ITM2A: variants seen among roughly 807,000 people sequenced by gnomAD.
The protein encoded by ITM2A is integral membrane protein 2A.
ITM2A carries 11 observed loss-of-function variants against 16.6 expected under a neutral mutation model. The ratio of observed to expected loss-of-function variants is 0.66; its 90% CI spans 0.42 to 1.10. ITM2A has a LOEUF of 1.10. Among genes scored for constraint, ITM2A ranks in the 50% least tolerant of loss-of-function variants. The probability of loss-of-function intolerance (pLI) is 0.00; values close to 1 mark genes in which losing one functional copy is unlikely to be tolerated. For missense variants in ITM2A, 243 were observed against 206.8 expected (o/e 1.17, Z -1.07); for synonymous variants, 102 against 71.2 (o/e 1.43, Z -2.18).
rs1925609994 is a variant in ITM2A at position 79,367,278 on chromosome X, A to G, written c.-63T>C. On this transcript the variant is annotated 5_prime_UTR_variant, in exon 1 of 6. Coordinates refer to ENST00000373298, the MANE Select transcript of ITM2A (RefSeq NM_004867.5). ...ATCAGCGTCCTGGGCTGCAGACTGC[A>G]AGAGGAGATCCTGTTAGCCCAAACA... 7 of 751,679 alleles carry G rather than the reference A, an allele frequency of 9.3e-6. No homozygotes were observed. Among genetic ancestry groups the G allele is most frequent in the Non-Finnish European group, 1.2e-5 (6 of 503,622 alleles). The allele number at this position is 751,679 out of a possible 1,213,427, so 61.9% of individuals were successfully genotyped here. A position where few individuals can be genotyped will look rare whatever the true frequency, so the allele number is the denominator to read the frequency against.
In ITM2A at chrX:79,362,735, T is replaced by A. The variant is rs202173015; in HGVS notation, c.442-44A>T. The A allele has an allele frequency of 9.5e-5, 90 of 946,120 alleles. No homozygotes were observed. In the African/African-American group the frequency reaches 1.6e-3, roughly 17 times the overall value. 78.0% of individuals were successfully genotyped at this position (946,120 alleles called of 1,213,427 possible). A position where few individuals can be genotyped will look rare whatever the true frequency, so the allele number is the denominator to read the frequency against. On this transcript the variant is annotated intron_variant, in intron 3 of 5. Transcript: ENST00000373298. ...AAGTCAGGTAAGACACAGAAGGCAT[T>A]AACATTGCGAATTTTCCAACTACCA... is the stretch of plus-strand genomic sequence containing the variant.
At position 79,360,613 on chromosome X, in the gene ITM2A, T is replaced by C. The variant is rs918068772; in HGVS notation, c.*476A>G. 1 of 111,525 alleles carries C rather than the reference T, an allele frequency of 9.0e-6. No homozygotes were observed. The highest frequency in any genetic ancestry group is 3.2e-5 in the African/African-American group (1 of 30,773). 9.2% of individuals were successfully genotyped at this position (111,525 alleles called of 1,213,427 possible). On this transcript the variant is annotated 3_prime_UTR_variant, in exon 6 of 6. Coordinates refer to ENST00000373298, the MANE Select transcript of ITM2A (RefSeq NM_004867.5). ...GATGTAATTTCTAAATTCAAGAAAG[T>C]TGTACAAAATGAAAAACAAAAGAAA...
chrX:79,363,097 C>A lies in ITM2A; in HGVS notation c.286G>T (p.Asp96Tyr). 2 of 1,209,641 alleles carry A rather than the reference C, an allele frequency of 1.7e-6. No individual in the cohort carries two copies. Among genetic ancestry groups the A allele is most frequent in the South Asian group, 3.5e-5 (2 of 56,660 alleles). Residue 96 changes from aspartate (D) to tyrosine (Y), a missense_variant, in exon 3 of 6, where the codon GAT (aspartate) becomes TAT (tyrosine). Asp to Tyr is a radical substitution (Grantham distance 160, BLOSUM62 -3). Transcript: ENST00000373298. The stretch of plus-strand genomic sequence containing the variant: ...CCTCCACGAAGGGAATTTGCAGGAT[C>A]CTCAGAATCAAAAAAGCACATCTCT... The part of the protein sequence containing the change: ...RGEMCFFDSE[D>Y]PANSLRGGEP...
intron 1 of ITM2A, among the ~76,000 whole-genome samples, chrX:79,364,369 T>C (rs1470405715): frequency 8.9e-6 from 1 of 112,158 alleles, no homozygotes; most frequent in African/African-American, 3.2e-5. Flanking sequence ...GCATTTGCGA[T>C]AGCTAGACAC....
At chrX:79,365,695 A>G (rs147509745) in intron 1 of ITM2A, among the ~76,000 whole-genome samples, 3,872 of 109,723 alleles carry the variant, frequency 0.035, 98 homozygotes, top group South Asian at 0.14. Context: ...CTGTGTGGCT[A>G]TATTTAACTA....
At position 79,363,408 on chromosome X, in the gene ITM2A, AATT is replaced by A. The variant is rs1367960496; in HGVS notation, c.243+12_243+14del. 9 of 1,077,030 alleles carry A rather than the reference AATT, an allele frequency of 8.4e-6. No individual in the cohort carries two copies. The highest frequency in any genetic ancestry group is 2.4e-5 in the South Asian group (1 of 41,780). 88.8% of individuals were successfully genotyped at this position (1,077,030 alleles called of 1,213,427 possible). On this transcript the variant is annotated intron_variant, in intron 2 of 5. Coordinates refer to ENST00000373298, the MANE Select transcript of ITM2A (RefSeq NM_004867.5). ...TAGTAATCCAAAGTATAATAATTATAATTATTATTATTACCTTGGGCATGAAGT... is the reference window on the plus strand; with the variant it reads ...TAGTAATCCAAAGTATAATAATTATAATTATTATTACCTTGGGCATGAAGT...
At position 79,360,976 on chromosome X, in the gene ITM2A, G is replaced by A; in HGVS notation, c.*113C>T. 2.9e-6 allele frequency: 1 copy of A among 350,332 alleles called. No homozygotes were observed. Among genetic ancestry groups the A allele is most frequent in the Non-Finnish European group, 4.8e-6 (1 of 208,205 alleles). 28.9% of individuals were successfully genotyped at this position (350,332 alleles called of 1,213,427 possible). On this transcript the variant is annotated 3_prime_UTR_variant, in exon 6 of 6. Transcript: ENST00000373298. ...TTTTTTTCCTTTTTTTAAAGCATAA[G>A]CAATAGAGTAAATGCATGAGTAAAT...
intron 4 of ITM2A, among the ~76,000 whole-genome samples, chrX:79,362,104 AC>A (rs1223691257): frequency 1.8e-5 from 2 of 111,431 alleles, no homozygotes. Context: ...AGAAATCACC[AC>A]AGCATCTTCC....
intron 4 of ITM2A, 73 bp downstream of exon 4, chrX:79,362,507 TA>T: frequency 1.8e-6 from 1 of 549,375 alleles, no homozygotes; most frequent in East Asian, 3.5e-5. Context: ...ACAAATTCAT[TA>T]TTTTTTTAAA....
At chrX:79,361,232 T>C (rs751848608) in intron 5 of ITM2A, 55 bp from the exon 6 acceptor site, 5 of 1,124,567 alleles carry the variant, frequency 4.4e-6, no homozygotes, top group African/African-American at 1.8e-5. Context: ...GAAATGAAAA[T>C]ATATCCAGAC....
Position 79,367,242 on chromosome X carries a change from G to A in ITM2A, c.-27C>T. Reference sequence around the variant, plus strand: ...GTGAATCTTCGGGCTGCGCGGTAAGGCGCTGCTGGAATCAGCGTCCTGGGC... The same window carrying A: ...GTGAATCTTCGGGCTGCGCGGTAAGACGCTGCTGGAATCAGCGTCCTGGGC... On this transcript the variant is annotated 5_prime_UTR_variant, in exon 1 of 6. Coordinates refer to ENST00000373298, the MANE Select transcript of ITM2A (RefSeq NM_004867.5). 2 of 1,077,527 alleles carry A rather than the reference G, an allele frequency of 1.9e-6. No homozygotes were observed. The highest frequency in any genetic ancestry group is 3.9e-5 in the South Asian group (2 of 50,633). The allele number at this position is 1,077,527 out of a possible 1,213,427, so 88.8% of individuals were successfully genotyped here. A position where few individuals can be genotyped will look rare whatever the true frequency, so the allele number is the denominator to read the frequency against.
chrX:79,362,659 C>T lies in ITM2A; in HGVS notation c.474G>A (p.Gly158=). The change falls in exon 4 of 6, where the codon GGG becomes GGA. Residue 158 remains glycine (G), a synonymous_variant. Transcript: ENST00000373298. ...TATTGAGGGGCATCAGATAGCAGTT[C>T]CCCAGCAACAAGTCCAGGTAAGCAG... The part of the protein sequence containing the change: ...GMTAYLDLLL[G]NCYLMPLNTS... 1 of 1,205,512 alleles carries T rather than the reference C, an allele frequency of 8.3e-7. No individual in the cohort carries two copies. Among genetic ancestry groups the T allele is most frequent in the Non-Finnish European group, 1.1e-6 (1 of 891,111 alleles).
intron 1 of ITM2A, among the ~76,000 whole-genome samples, chrX:79,364,241 G>A (rs1192760403): frequency 8.9e-6 from 1 of 111,845 alleles, no homozygotes; most frequent in Non-Finnish European, 1.9e-5. Flanking sequence ...TAAATTTAAT[G>A]TTCCTAATTT....
chrX:79,366,374 TG>T (rs918752900), intron 1 of ITM2A, among the ~76,000 whole-genome samples: 1 of 110,653 alleles, frequency 9.0e-6, no homozygotes. Context: ...AAGAGAAGAG[TG>T]TTTTCTTTAG....
intron 4 of ITM2A, among the ~76,000 whole-genome samples, 175 bp from the exon 5 acceptor site, chrX:79,361,654 T>A (rs1925422018): frequency 9.0e-6 from 1 of 111,481 alleles, no homozygotes; most frequent in Admixed American, 9.5e-5. Context: ...TTTTTCCTGA[T>A]CCTGTCCCTT....
In ITM2A at chrX:79,363,514, C is replaced by G. The variant is rs1361485131; in HGVS notation, c.152G>C (p.Gly51Ala). ...GCCTAAGAGAGTAAGCATACATCTC[C>G]CAGAGGAGCCCTCTTTTTCCTGGGT... is the stretch of plus-strand genomic sequence containing the variant. ...VATQEKEGSS[G>A]RCMLTLLGLS... The change falls in exon 2 of 6, where the codon GGG becomes GCG. Residue 51 changes from glycine (G) to alanine (A), a missense_variant. By Grantham distance (60) the Gly-to-Ala change is moderately conservative. Coordinates refer to ENST00000373298, the MANE Select transcript of ITM2A (RefSeq NM_004867.5). The G allele has an allele frequency of 8.5e-7, 1 of 1,182,917 alleles. No individual in the cohort carries two copies. The highest frequency in any genetic ancestry group is 1.8e-5 in the African/African-American group (1 of 56,443).
intron 1 of ITM2A, among the ~76,000 whole-genome samples, chrX:79,364,178 G>C (rs948580067): frequency 8.9e-6 from 1 of 111,738 alleles, no homozygotes; most frequent in Non-Finnish European, 1.9e-5. Context: ...GTTCTATAAG[G>C]TATATGCCAT....
At position 79,360,631 on chromosome X, in the gene ITM2A, A is replaced by G. The variant is rs1174487778; in HGVS notation, c.*458T>C. 1.8e-5 allele frequency: 2 copies of G among 112,167 alleles called. No homozygotes were observed. The allele number at this position is 112,167 out of a possible 1,213,427, so 9.2% of individuals were successfully genotyped here. A position where few individuals can be genotyped will look rare whatever the true frequency, so the allele number is the denominator to read the frequency against. On this transcript the variant is annotated 3_prime_UTR_variant, in exon 6 of 6. Transcript: ENST00000373298. The stretch of plus-strand genomic sequence containing the variant: ...AAGAAAGTTGTACAAAATGAAAAAC[A>G]AAAGAAACCAACAATGTTGAGATCT...
intron 1 of ITM2A, chrX:79,366,817 G>C: frequency 3.7e-6 from 1 of 266,757 alleles, no homozygotes; most frequent in Non-Finnish European, 6.6e-6. Context: ...AAGAGACAAT[G>C]ACAAGGAGTC....
Sources: allele counts gnomAD v4.1 joint callset (sites outside exome capture counted in the v4.1 genomes callset), GRCh38; gene constraint gnomAD v4.1.1; transcripts MANE v1.5; gene names NCBI Gene and HGNC (gene_info 2026-07-23, HGNC 2026-07-21).